Variants in SLC17A8 observed in about 807,000 individuals in gnomAD.
SLC17A8 encodes the protein vesicular glutamate transporter 3.
In SLC17A8, 31 loss-of-function variants were observed where a neutral mutation model predicts 58.0. That is an observed-to-expected ratio of 0.53 (90% CI 0.40 to 0.72). The LOEUF (loss-of-function observed/expected upper bound fraction) is 0.72. Ranked by LOEUF, SLC17A8 falls within the 30% of genes least tolerant of loss-of-function variation. The pLI is 0.00. For synonymous variants in SLC17A8, 228 were observed against 249.0 expected, an observed-to-expected ratio of 0.92 and a Z score of 0.79; for missense variants, 655 against 727.8, an observed-to-expected ratio of 0.90 and a Z score of 1.15.
intron 5 of SLC17A8, among the ~76,000 whole-genome samples, chr12:100,396,911 A>C (rs1210840280): frequency 6.6e-6 from 1 of 152,146 alleles, no homozygotes; most frequent in Non-Finnish European, 1.5e-5. Flanking sequence ...TCCAGGGCCT[A>C]GGCATGTTCT....
Position 100,420,301 on chromosome 12 carries a change from A to G in SLC17A8, c.*142A>G, listed in dbSNP as rs1320386727. The G allele has an allele frequency of 7.5e-6, 5 of 669,084 alleles. No homozygotes were observed. Among genetic ancestry groups the G allele is most frequent in the Non-Finnish European group, 1.0e-5 (4 of 382,738 alleles). 41.4% of individuals were successfully genotyped at this position (669,084 alleles called of 1,614,324 possible). On this transcript the variant is annotated 3_prime_UTR_variant, in exon 12 of 12. Coordinates refer to ENST00000323346, the MANE Select transcript of SLC17A8 (RefSeq NM_139319.3). ...AACCAGCAACAGGGAAAAGAGAAAT[A>G]TTATCTTTCAATGACATGTATAGGT...
chr12:100,394,297 C>T (rs1307731305), intron 4 of SLC17A8, among the ~76,000 whole-genome samples: 1 of 151,964 alleles, frequency 6.6e-6, no homozygotes, highest in East Asian at 1.9e-4. Context: ...TATTGTTTTC[C>T]CCTAGATCGA....
chr12:100,377,549 G>A (rs1427795388), intron 1 of SLC17A8, among the ~76,000 whole-genome samples: 3 of 148,402 alleles, frequency 2.0e-5, no homozygotes, highest in African/African-American at 7.6e-5. Flanking sequence ...GAGAAGTGAG[G>A]CATCCAAGAT....
chr12:100,380,681 C>T lies in SLC17A8; in HGVS notation c.102-20C>T. 1 of 1,613,308 alleles carries T rather than the reference C, an allele frequency of 6.2e-7. No homozygotes were observed. The highest frequency in any genetic ancestry group is 8.5e-7 in the Non-Finnish European group (1 of 1,179,774). The stretch of plus-strand genomic sequence containing the variant: ...TTTAATCCTGGCTTTTATTTTCTGC[C>T]TATCCTTTTTCCCATGTAGAAAAAT... On this transcript the variant is annotated intron_variant, in intron 1 of 11. Coordinates refer to ENST00000323346, the MANE Select transcript of SLC17A8 (RefSeq NM_139319.3).
At chr12:100,391,943 C>G (rs1952719653) in intron 3 of SLC17A8, among the ~76,000 whole-genome samples, 1 of 152,072 alleles carries the variant, frequency 6.6e-6, no homozygotes, top group Admixed American at 6.6e-5. Flanking sequence ...TCTCTAATGT[C>G]CTTGAGACTC....
intron 2 of SLC17A8, among the ~76,000 whole-genome samples, chr12:100,385,346 A>G (rs1952667176): frequency 6.9e-6 from 1 of 145,056 alleles, no homozygotes; most frequent in Admixed American, 7.3e-5. Flanking sequence ...AAGCGATTCT[A>G]CTCCTTAGGC....
intron 1 of SLC17A8, among the ~76,000 whole-genome samples, chr12:100,374,157 G>A (rs1952578144): frequency 6.6e-6 from 1 of 152,134 alleles, no homozygotes; most frequent in South Asian, 2.1e-4. Flanking sequence ...TTGCCCCCAA[G>A]TCACACAGCT....
chr12:100,399,719 C>T (rs2136002701), intron 5 of SLC17A8, among the ~76,000 whole-genome samples: 1 of 152,306 alleles, frequency 6.6e-6, no homozygotes, highest in East Asian at 1.9e-4. Context: ...CCACCAGGTT[C>T]TTCCCTCAAC....
At position 100,402,639 on chromosome 12, in the gene SLC17A8, T is replaced by C; in HGVS notation, c.947T>C (p.Val316Ala). ...AAAAGATTTTTCACATCTTTGCCGG[T>C]TTATGCAATCATTGTGGCAAATTTT... The part of the protein sequence containing the change: ...PWKRFFTSLP[V>A]YAIIVANFCR... Residue 316 changes from valine (V) to alanine (A), a missense_variant, in exon 8 of 12, where the codon GTT becomes GCT. Transcript: ENST00000323346. 7 of 1,614,076 alleles carry C rather than the reference T, an allele frequency of 4.3e-6. No individual in the cohort carries two copies. The highest frequency in any genetic ancestry group is 5.9e-6 in the Non-Finnish European group (7 of 1,179,998).
chr12:100,389,693 GT>G (rs1411206210), intron 2 of SLC17A8, among the ~76,000 whole-genome samples: 1 of 151,394 alleles, frequency 6.6e-6, no homozygotes, highest in Non-Finnish European at 1.5e-5. Flanking sequence ...TGCAGTGTGT[GT>G]TTGTAGCTTA....
intron 4 of SLC17A8, among the ~76,000 whole-genome samples, chr12:100,393,728 A>G (rs1952732968): frequency 6.6e-6 from 1 of 152,150 alleles, no homozygotes; most frequent in Non-Finnish European, 1.5e-5. Flanking sequence ...ATCTAACCTG[A>G]CCCTCTTCAT....
intron 1 of SLC17A8, among the ~76,000 whole-genome samples, chr12:100,360,819 C>T (rs181883837): frequency 1.3e-5 from 2 of 152,332 alleles, no homozygotes; most frequent in East Asian, 3.9e-4. Context: ...TCTACTTGGA[C>T]TGCAATGTAG....
In SLC17A8 at chr12:100,400,588, A is replaced by G. The variant is rs374367819; in HGVS notation, c.677-1189A>G. ...ACCTTGGAAAGATGTGATTTAATCT[A>G]TTTCTCTGGAAGATCCCCAACCTCC... On this transcript the variant is annotated intron_variant, in intron 5 of 11. Transcript: ENST00000323346. Among the ~76,000 whole-genome samples the G allele has an allele frequency of 1.5e-3, 229 of 152,094 alleles. 7 individuals carry two copies. The South Asian group carries it at 0.043, about 28-fold the overall frequency.
intron 8 of SLC17A8, 145 bp from the exon 9 acceptor site, chr12:100,403,893 A>T (rs1952808312): frequency 6.1e-6 from 5 of 821,424 alleles, no homozygotes. Context: ...TATGAAATTC[A>T]GGCCTACCCA....
chr12:100,413,435 C>T (rs532852851), intron 10 of SLC17A8, among the ~76,000 whole-genome samples: 8 of 152,058 alleles, frequency 5.3e-5, no homozygotes, highest in Non-Finnish European at 1.0e-4. Flanking sequence ...TGTGAGCTAG[C>T]GATGACCAAG....
At chr12:100,367,974 T>C (rs1048712789) in intron 1 of SLC17A8, among the ~76,000 whole-genome samples, 2 of 152,346 alleles carry the variant, frequency 1.3e-5, no homozygotes, top group African/African-American at 2.4e-5. Context: ...TCTGGACATA[T>C]CTATTTTGTT....
chr12:100,400,302 T>A (rs1316457106), intron 5 of SLC17A8, among the ~76,000 whole-genome samples: 4 of 152,152 alleles, frequency 2.6e-5, no homozygotes, highest in Non-Finnish European at 5.9e-5. Flanking sequence ...CCTTATTGGT[T>A]TGAGGAGCCC....
chr12:100,359,482 C>T (rs1952469968), intron 1 of SLC17A8, among the ~76,000 whole-genome samples: 1 of 152,100 alleles, frequency 6.6e-6, no homozygotes, highest in South Asian at 2.1e-4. Flanking sequence ...TGAATAGTTT[C>T]CTCAGAACAA....
In SLC17A8 at chr12:100,396,370, G is replaced by A. The variant is rs1952753933; in HGVS notation, c.629G>A (p.Trp210Ter). ...YPACHGMWSK[W>*]APPLERSRLA... ...GCCTGCCATGGGATGTGGAGTAAGT[G>A]GGCACCACCTTTGGAGAGAAGCCGA... The change falls in exon 5 of 12, where the codon TGG (tryptophan) becomes TAG (stop). Residue 210 changes from tryptophan to a stop codon, truncating the protein, a stop_gained. Transcript: ENST00000323346. LOFTEE classifies it high-confidence loss of function. The A allele has an allele frequency of 6.2e-7, 1 of 1,614,106 alleles. No homozygotes were observed. Among genetic ancestry groups the A allele is most frequent in the Non-Finnish European group, 8.5e-7 (1 of 1,180,008 alleles).
Sources: gnomAD v4.1 joint callset for allele counts (sites outside exome capture counted in the v4.1 genomes callset) on GRCh38, gnomAD v4.1.1 for gene constraint, MANE v1.5 for transcripts, NCBI Gene and HGNC (gene_info 2026-07-23, HGNC 2026-07-21) for gene names.